The following PCDH15 variants were observed in gnomAD, a reference collection of about 807,000 sequenced individuals.
PCDH15 encodes the protein protocadherin-15.
PCDH15 carries 129 observed loss-of-function variants against 178.5 expected under a neutral mutation model. The observed-to-expected ratio is 0.72, with a 90% CI of 0.63 to 0.84. The LOEUF (loss-of-function observed/expected upper bound fraction) is 0.84. Among genes scored for constraint, PCDH15 ranks in the 40% least tolerant of loss-of-function variants. The pLI is 0.00. For missense variants in PCDH15, 2,230 were observed against 2,099.9 expected (o/e 1.06, Z -1.21); for synonymous variants, 800 against 732.0 (o/e 1.09, Z -1.50).
chr10:53,839,168 A>C (rs1197973902), intron 29 of PCDH15, among the ~76,000 whole-genome samples: 1 of 135,434 alleles, frequency 7.4e-6, no homozygotes, highest in Non-Finnish European at 1.5e-5. Flanking sequence ...GCGCCACTGC[A>C]CTCCAGCCTG....
intron 15 of PCDH15, among the ~76,000 whole-genome samples, chr10:54,102,599 C>A (rs1178028352): frequency 5.3e-5 from 8 of 152,214 alleles, no homozygotes; most frequent in Non-Finnish European, 8.8e-5. Context: ...TTAATCTCTG[C>A]AAACCATCCA....
In PCDH15 at chr10:54,856,138, A is replaced by G. The variant is rs192384356; in HGVS notation, c.-29+41312T>C. Among the ~76,000 whole-genome samples, 244 of 152,302 alleles carry G rather than the reference A, an allele frequency of 1.6e-3. 3 individuals carry two copies. Among genetic ancestry groups the G allele is most frequent in the Admixed American group, 0.014 (211 of 15,274 alleles). On this transcript the variant is annotated intron_variant, in intron 3 of 5. Transcript: ENST00000458638. ...ATATTTTTATAATAGTTTGTCATTT[A>G]TCAACTATCTGCTTATTTGACAGAT...
chr10:55,268,776 C>G (rs1335732484), intron 1 of PCDH15, among the ~76,000 whole-genome samples: 1 of 152,068 alleles, frequency 6.6e-6, no homozygotes, highest in Non-Finnish European at 1.5e-5. Flanking sequence ...CTAGCCATCT[C>G]TGGAAATATA....
chr10:54,239,380 T>G (rs2054987801), intron 8 of PCDH15, among the ~76,000 whole-genome samples: 1 of 150,634 alleles, frequency 6.6e-6, no homozygotes. Flanking sequence ...AAATGAAAAT[T>G]AAATTCCTCA....
intron 21 of PCDH15, among the ~76,000 whole-genome samples, chr10:53,990,537 T>TCTATATATGTA (rs2091398633): frequency 7.7e-6 from 1 of 130,094 alleles, no homozygotes; most frequent in African/African-American, 3.0e-5. Flanking sequence ...CTATATATGT[T>TCTATATATGTA]TTATATATGT....
chr10:54,572,477 G>C (rs551702693), intron 2 of PCDH15, among the ~76,000 whole-genome samples: 1 of 152,148 alleles, frequency 6.6e-6, no homozygotes, highest in African/African-American at 2.4e-5. Flanking sequence ...CTTTCCAAAT[G>C]AACTAATTTG....
intron 14 of PCDH15, among the ~76,000 whole-genome samples, chr10:54,143,954 A>C (rs998433100): frequency 2.0e-5 from 3 of 152,094 alleles, no homozygotes; most frequent in Admixed American, 2.0e-4. Flanking sequence ...GGTTCCAGAA[A>C]AGCCAGTGTA....
Position 54,195,707 on chromosome 10 carries a change from T to C in PCDH15, c.1281A>G (p.Val427=). ...SLNLTSPLRI[V]ALDKDIEDTK... Reference sequence around the variant, plus strand: ...CATCTTCTATGTCCTTGTCCAGAGCTACTATTCTTAAAGGTGAAGTCAAAT... The same window carrying C: ...CATCTTCTATGTCCTTGTCCAGAGCCACTATTCTTAAAGGTGAAGTCAAAT... Residue 427 remains valine (V), a synonymous_variant, in exon 11 of 38, where the codon GTA becomes GTG. Coordinates refer to ENST00000644397, the MANE Select transcript of PCDH15 (RefSeq NM_001384140.1). 6.2e-7 allele frequency: 1 copy of C among 1,613,972 alleles called. No individual in the cohort carries two copies. The highest frequency in any genetic ancestry group is 8.5e-7 in the Non-Finnish European group (1 of 1,179,870).
intron 3 of PCDH15, among the ~76,000 whole-genome samples, chr10:54,423,096 T>C (rs1306120889): frequency 6.6e-6 from 1 of 152,080 alleles, no homozygotes; most frequent in Non-Finnish European, 1.5e-5. Context: ...GGCTTTTTGC[T>C]CTTCTAAGTT....
At chr10:53,884,999 G>A (rs1010606596) in intron 26 of PCDH15, among the ~76,000 whole-genome samples, 1 of 152,094 alleles carries the variant, frequency 6.6e-6, no homozygotes, top group Non-Finnish European at 1.5e-5. Context: ...GCCAGAGAAA[G>A]AGCTGCTTCG....
intron 1 of PCDH15, among the ~76,000 whole-genome samples, chr10:55,239,427 C>G (rs561198072): frequency 6.6e-6 from 1 of 152,108 alleles, no homozygotes; most frequent in South Asian, 2.1e-4. Context: ...GACAAGGGTA[C>G]CAAGAACTTA....
chr10:54,961,476 GA>G (rs1838653434), intron 2 of PCDH15, among the ~76,000 whole-genome samples: 1 of 152,220 alleles, frequency 6.6e-6, no homozygotes, highest in African/African-American at 2.4e-5. Flanking sequence ...GGAATGGCTT[GA>G]GGCCTAGGGG....
chr10:54,521,947 G>T (rs978496819), intron 3 of PCDH15, among the ~76,000 whole-genome samples: 3 of 151,872 alleles, frequency 2.0e-5, no homozygotes, highest in African/African-American at 7.3e-5. Context: ...AATTAGCCAG[G>T]CATGGTGGTG....
intron 3 of PCDH15, among the ~76,000 whole-genome samples, chr10:54,839,337 T>G (rs1017407048): frequency 3.3e-5 from 5 of 151,956 alleles, no homozygotes; most frequent in Admixed American, 3.3e-4. Context: ...GAGATTCAAA[T>G]AGAAATCTTG....
chr10:54,055,325 T>G (rs989124532), intron 18 of PCDH15, among the ~76,000 whole-genome samples: 1 of 152,018 alleles, frequency 6.6e-6, no homozygotes, highest in Non-Finnish European at 1.5e-5. Flanking sequence ...TATGGTTCTA[T>G]TTTTGTTACC....
intron 2 of PCDH15, among the ~76,000 whole-genome samples, chr10:55,046,774 G>A (rs1231321392): frequency 1.3e-5 from 2 of 151,994 alleles, no homozygotes; most frequent in Non-Finnish European, 1.5e-5. Context: ...TGAGGAAGCA[G>A]TGCATAAATT....
intron 3 of PCDH15, among the ~76,000 whole-genome samples, chr10:54,878,502 C>T (rs927278161): frequency 3.3e-5 from 5 of 152,028 alleles, no homozygotes; most frequent in African/African-American, 9.7e-5. Context: ...TCCATTGTTT[C>T]GACTTTGAGG....
At chr10:54,701,774 G>A (rs1291687774) in intron 1 of PCDH15, among the ~76,000 whole-genome samples, 1 of 151,976 alleles carries the variant, frequency 6.6e-6, no homozygotes, top group Non-Finnish European at 1.5e-5. Context: ...ATATATACAT[G>A]CCCAACACAG....
Position 54,468,533 on chromosome 10 carries a change from T to TA in PCDH15, c.157+59278dup, listed in dbSNP as rs576741129. Among the ~76,000 whole-genome samples, 11 of 152,280 alleles carry TA rather than the reference T, an allele frequency of 7.2e-5. No individual in the cohort carries two copies. The South Asian group carries it at 1.9e-3, about 26-fold the overall frequency. On this transcript the variant is annotated intron_variant, in intron 3 of 37. Transcript: ENST00000644397. ...AAGATACTTGGTATATTTTGATTAT[T>TA]AAAAAAATTGAGACTTGTTTTATGT...
Sources: gnomAD v4.1 joint callset for allele counts (sites outside exome capture counted in the v4.1 genomes callset) on GRCh38, gnomAD v4.1.1 for gene constraint, MANE v1.5 for transcripts, NCBI Gene and HGNC (gene_info 2026-07-23, HGNC 2026-07-21) for gene names.